The following GPR89B variants were observed in gnomAD, a reference collection of about 807,000 sequenced individuals.
The protein encoded by GPR89B is golgi pH regulator B.
In GPR89B, 25 loss-of-function variants were observed where a neutral mutation model predicts 52.4. The observed-to-expected ratio is 0.48, with a 90% CI of 0.35 to 0.67. GPR89B has a LOEUF of 0.67. Ranked by LOEUF, GPR89B falls within the 30% of genes least tolerant of loss-of-function variation. GPR89B has a pLI of 0.01. For synonymous variants in GPR89B, 52 were observed against 151.2 expected, an observed-to-expected ratio of 0.34 and a Z score of 4.81; for missense variants, 146 against 450.2, an observed-to-expected ratio of 0.32 and a Z score of 6.11.
the GPR89B span, among the ~76,000 whole-genome samples, chr1:148,024,933 T>C: frequency 7.6e-4 from 116 of 152,120 alleles, no homozygotes; most frequent in East Asian, 0.021. Context: ...TTCCGTATGC[T>C]CAGTCTAAAA....
the GPR89B span, among the ~76,000 whole-genome samples, chr1:148,006,770 G>A: frequency 0.028 from 4,203 of 150,808 alleles, 176 homozygotes; most frequent in African/African-American, 0.096. Context: ...AGGCTGGAAC[G>A]CAGGGCCGCA....
rs1217368058 is a variant in GPR89B, at chr1:147,942,177, T to C, written c.207-1261T>C. Among the ~76,000 whole-genome samples, 18 of 152,020 alleles carry C rather than the reference T, an allele frequency of 1.2e-4. 2 individuals are homozygous for C. Among genetic ancestry groups the C allele is most frequent in the Admixed American group, 6.6e-4 (10 of 15,258 alleles). On this transcript the variant is annotated intron_variant, in intron 3 of 13. Coordinates refer to ENST00000314163, the MANE Select transcript of GPR89B (RefSeq NM_016334.5). ...TGAATAGGCATTTCTCCAAAGATGA[T>C]ATACAAATGGCCAGTAAGCACATAT...
the GPR89B span, among the ~76,000 whole-genome samples, chr1:148,014,127 G>C: frequency 6.6e-6 from 1 of 151,182 alleles, no homozygotes; most frequent in African/African-American, 2.4e-5. Flanking sequence ...ACCTGCGGGG[G>C]CTGCGGCTGC....
At chr1:147,971,259 C>CA (rs1657441290) in intron 10 of GPR89B, among the ~76,000 whole-genome samples, 31 of 151,648 alleles carry the variant, frequency 2.0e-4, no homozygotes, top group Non-Finnish European at 2.6e-4. Flanking sequence ...AAGCAATTCT[C>CA]CTGCCTCAGC....
chr1:147,987,093 A>G (rs2784402), intron 11 of GPR89B, among the ~76,000 whole-genome samples: 7 of 152,214 alleles, frequency 4.6e-5, no homozygotes, highest in African/African-American at 9.7e-5. Flanking sequence ...GAAAATGAAC[A>G]AGAGCAAATT....
At chr1:148,008,706 A>T in the GPR89B span, among the ~76,000 whole-genome samples, 1 of 152,182 alleles carries the variant, frequency 6.6e-6, no homozygotes, top group African/African-American at 2.4e-5. Flanking sequence ...GTACTTCCTG[A>T]TGGTCAGGGT....
rs193099049 is a variant in GPR89B at position 147,930,421 on chromosome 1, T to C, written c.42+1843T>C. Among the ~76,000 whole-genome samples, 821 of 152,288 alleles carry C rather than the reference T, an allele frequency of 5.4e-3. 8 individuals carry two copies. Among genetic ancestry groups the C allele is most frequent in the African/African-American group, 0.019 (776 of 41,536 alleles). On this transcript the variant is annotated intron_variant, in intron 1 of 13. Coordinates refer to ENST00000314163, the MANE Select transcript of GPR89B (RefSeq NM_016334.5). ...TCTTCTTGGCATTTATTACTATGGT[T>C]CATTTGTATATTCATGTGTTTGTTA...
At chr1:147,995,031 AAT>A (rs1373261018), downstream of GPR89B, among the ~76,000 whole-genome samples, 3 of 152,194 alleles carry the variant, frequency 2.0e-5, no homozygotes, top group African/African-American at 7.2e-5. Context: ...TATAGAGAAT[AAT>A]ATAGAGAATG....
chr1:147,960,136 T>C (rs1178793365), intron 7 of GPR89B, among the ~76,000 whole-genome samples: 1 of 151,732 alleles, frequency 6.6e-6, no homozygotes, highest in Non-Finnish European at 1.5e-5. Flanking sequence ...CTGCTGCAGG[T>C]ATGACAGATT....
At chr1:147,990,069 C>T (rs1318126131) in intron 12 of GPR89B, among the ~76,000 whole-genome samples, 4 of 152,244 alleles carry the variant, frequency 2.6e-5, no homozygotes, top group Admixed American at 2.6e-4. Flanking sequence ...AACTAGTTTA[C>T]AGTCCCACCA....
chr1:147,947,522 T>C (rs1483273847), intron 5 of GPR89B, among the ~76,000 whole-genome samples: 1 of 151,886 alleles, frequency 6.6e-6, no homozygotes, highest in Non-Finnish European at 1.5e-5. Context: ...CTTCTGCTAG[T>C]CTCCTTATTC....
chr1:147,990,929 C>A (rs1400750312), intron 12 of GPR89B, among the ~76,000 whole-genome samples: 1 of 151,694 alleles, frequency 6.6e-6, no homozygotes, highest in Non-Finnish European at 1.5e-5. Flanking sequence ...CTTGGCAATG[C>A]GGGCTCTTTT....
intron 8 of GPR89B, chr1:147,968,617 CTGTT>C (rs1455504151): frequency 6.2e-5 from 36 of 579,928 alleles, no homozygotes; most frequent in Admixed American, 3.0e-4. Flanking sequence ...ATGAAACTAT[CTGTT>C]TGAGCTGCTT....
chr1:147,986,545 C>T (rs2784400), intron 11 of GPR89B, among the ~76,000 whole-genome samples: 6,248 of 151,266 alleles, frequency 0.041, 190 homozygotes, highest in African/African-American at 0.069. Flanking sequence ...AATATTGTCA[C>T]GGATGCTGAT....
At chr1:147,946,314 A>G (rs1455255255) in intron 5 of GPR89B, among the ~76,000 whole-genome samples, 1 of 152,156 alleles carries the variant, frequency 6.6e-6, no homozygotes, top group Non-Finnish European at 1.5e-5. Context: ...TAGTGTGGAA[A>G]CTGACACATA....
At position 147,986,283 on chromosome 1, in the gene GPR89B, A is replaced by C. The variant is rs1262993666; in HGVS notation, c.994A>C (p.Ile332Leu). 1 of 1,611,102 alleles carries C rather than the reference A, an allele frequency of 6.2e-7. No individual in the cohort carries two copies. The highest frequency in any genetic ancestry group is 1.3e-5 in the African/African-American group (1 of 74,786). ...TGAGATCACTGTGAATTATCTGGGA[A>C]TCCAATTTGATGTAAGTGTTATATC... is the stretch of plus-strand genomic sequence containing the variant. ...GIEITVNYLG[I>L]QFDVKFWSQH... is the part of the protein sequence containing the mutation. Residue 332 changes from isoleucine (I) to leucine (L), a missense_variant, in exon 11 of 14, where the codon ATC (isoleucine) becomes CTC (leucine). Ile to Leu is a conservative substitution (Grantham distance 5). Coordinates refer to ENST00000314163, the MANE Select transcript of GPR89B (RefSeq NM_016334.5).
At chr1:147,930,512 G>A (rs1653493413) in intron 1 of GPR89B, among the ~76,000 whole-genome samples, 2 of 152,082 alleles carry the variant, frequency 1.3e-5, no homozygotes, top group African/African-American at 4.8e-5. Context: ...ATCTAGATCA[G>A]TTGCAGGCAC....
At chr1:147,996,019 A>G, downstream of GPR89B, 1 of 620,826 alleles carries the variant, frequency 1.6e-6, no homozygotes. Context: ...GAGGTATAGA[A>G]GTTGAGAAAG....
At chr1:147,948,867 G>A (rs1655242599) in intron 5 of GPR89B, among the ~76,000 whole-genome samples, 1 of 151,080 alleles carries the variant, frequency 6.6e-6, no homozygotes, top group African/African-American at 2.4e-5. Flanking sequence ...ATAAACAAGT[G>A]AACAAAGGTC....
Sources: allele counts gnomAD v4.1 joint callset (sites outside exome capture counted in the v4.1 genomes callset), GRCh38; gene constraint gnomAD v4.1.1; transcripts MANE v1.5; gene names NCBI Gene and HGNC (gene_info 2026-07-23, HGNC 2026-07-21).